The following UNC5C variants were observed in gnomAD, a reference collection of about 807,000 sequenced individuals.
UNC5C encodes the protein unc-5 netrin receptor C, also known as netrin receptor UNC5C.
A neutral mutation model predicts 99.8 loss-of-function variants in UNC5C; 47 were observed. That is an observed-to-expected ratio of 0.47 (90% CI 0.37 to 0.60). The LOEUF (loss-of-function observed/expected upper bound fraction) is 0.60. UNC5C is among the 20% of genes least tolerant of loss of function. The pLI, the probability that UNC5C is intolerant of heterozygous loss-of-function variation, is 0.00. For missense variants in UNC5C, 1,062 were observed against 1,165.9 expected, an observed-to-expected ratio of 0.91 and a Z score of 1.30; for synonymous variants, 487 against 452.2, an observed-to-expected ratio of 1.08 and a Z score of -0.98.
At chr4:95,286,068 T>C (rs776726180) in intron 3 of UNC5C, among the ~76,000 whole-genome samples, 11 of 152,174 alleles carry the variant, frequency 7.2e-5, no homozygotes, top group Non-Finnish European at 1.3e-4. Flanking sequence ...AGGTCACCTA[T>C]AAAATTCTAA....
intron 1 of UNC5C, among the ~76,000 whole-genome samples, chr4:95,354,420 C>T (rs1411378281): frequency 6.7e-6 from 1 of 148,730 alleles, no homozygotes; most frequent in Non-Finnish European, 1.5e-5. Context: ...GCAGTTTCTA[C>T]ACCTTCTGTC....
At chr4:95,206,338 T>C (rs1159990387) in intron 11 of UNC5C, among the ~76,000 whole-genome samples, 3 of 151,890 alleles carry the variant, frequency 2.0e-5, no homozygotes, top group Non-Finnish European at 1.5e-5. Context: ...ATACACAATA[T>C]ATATACATAG....
intron 1 of UNC5C, among the ~76,000 whole-genome samples, chr4:95,479,606 T>C (rs1721073780): frequency 6.6e-6 from 1 of 151,946 alleles, no homozygotes; most frequent in Non-Finnish European, 1.5e-5. Flanking sequence ...AAATGGCGAA[T>C]GAACCATCTT....
chr4:95,396,886 A>G (rs986783000), intron 1 of UNC5C, among the ~76,000 whole-genome samples: 4 of 152,224 alleles, frequency 2.6e-5, no homozygotes, highest in African/African-American at 9.6e-5. Flanking sequence ...TGCTTTATGA[A>G]GTAGGTACTG....
intron 2 of UNC5C, among the ~76,000 whole-genome samples, chr4:95,309,276 C>A (rs1422641952): frequency 6.6e-6 from 1 of 151,854 alleles, no homozygotes; most frequent in African/African-American, 2.4e-5. Flanking sequence ...TATACAAAAA[C>A]CAACTCAAAA....
intron 1 of UNC5C, among the ~76,000 whole-genome samples, chr4:95,425,215 T>C (rs568351378): frequency 1.5e-3 from 221 of 152,342 alleles, no homozygotes; most frequent in Middle Eastern, 0.01. Context: ...TTATCTCAGA[T>C]TTACAGTGAT....
At chr4:95,463,649 G>A (rs1161067600) in intron 1 of UNC5C, among the ~76,000 whole-genome samples, 1 of 152,090 alleles carries the variant, frequency 6.6e-6, no homozygotes, top group Non-Finnish European at 1.5e-5. Flanking sequence ...AAATAGTAGG[G>A]TATTTTAATT....
intron 1 of UNC5C, among the ~76,000 whole-genome samples, chr4:95,360,136 G>A (rs1212632760): frequency 2.6e-5 from 4 of 152,070 alleles, no homozygotes; most frequent in South Asian, 2.1e-4. Flanking sequence ...AGGTCTAAAC[G>A]AGAAATATAC....
At chr4:95,329,765 TG>T (rs1342777538) in intron 2 of UNC5C, among the ~76,000 whole-genome samples, 1 of 152,234 alleles carries the variant, frequency 6.6e-6, no homozygotes, top group Non-Finnish European at 1.5e-5. Flanking sequence ...ATCTGTCTCT[TG>T]GTTTTGTTTG....
chr4:95,361,580 A>G (rs1579357930), intron 1 of UNC5C, among the ~76,000 whole-genome samples: 1 of 152,156 alleles, frequency 6.6e-6, no homozygotes, highest in Non-Finnish European at 1.5e-5. Flanking sequence ...GTGACTCTCT[A>G]AAACACACAG....
intron 4 of UNC5C, among the ~76,000 whole-genome samples, chr4:95,268,234 C>T (rs776127072): frequency 6.6e-6 from 1 of 152,144 alleles, no homozygotes; most frequent in East Asian, 1.9e-4. Flanking sequence ...CCACCGCGCC[C>T]GGCCTGTGAT....
chr4:95,282,841 G>A (rs1431406931), intron 3 of UNC5C, among the ~76,000 whole-genome samples: 3 of 152,110 alleles, frequency 2.0e-5, no homozygotes, highest in Non-Finnish European at 2.9e-5. Context: ...TACACAAAAT[G>A]GAGGATGGAA....
chr4:95,332,767 C>T (rs1262567108), intron 2 of UNC5C, among the ~76,000 whole-genome samples: 2 of 150,742 alleles, frequency 1.3e-5, no homozygotes, highest in African/African-American at 2.4e-5. Flanking sequence ...AAGAAACTAC[C>T]ATCAGAGTGA....
At chr4:95,371,431 G>A (rs1055044639) in intron 1 of UNC5C, among the ~76,000 whole-genome samples, 3 of 69,490 alleles carry the variant, frequency 4.3e-5, no homozygotes, top group African/African-American at 1.6e-4. Context: ...TGTGGGGGGG[G>A]GGGAGTATCA....
At chr4:95,262,262 T>C (rs1048483638) in intron 4 of UNC5C, among the ~76,000 whole-genome samples, 9 of 152,190 alleles carry the variant, frequency 5.9e-5, no homozygotes, top group African/African-American at 2.2e-4. Flanking sequence ...GGGCCTAATA[T>C]GTCAAATGAT....
intron 2 of UNC5C, among the ~76,000 whole-genome samples, chr4:95,306,677 A>C (rs965488338): frequency 1.3e-5 from 2 of 152,162 alleles, no homozygotes; most frequent in Non-Finnish European, 2.9e-5. Flanking sequence ...GCCTGAGTTG[A>C]TTCCTCTCCA....
chr4:95,192,355 ACTCCTCCCTTGCTCATC>A, intron 12 of UNC5C, among the ~76,000 whole-genome samples: 1 of 22,238 alleles, frequency 4.5e-5, no homozygotes, highest in East Asian at 1.3e-3. Flanking sequence ...TCCCCTGCTC[ACTCCTCCCTTGCTCATC>A]CTCCTCTCCT....
intron 1 of UNC5C, among the ~76,000 whole-genome samples, chr4:95,439,698 T>C (rs533226266): frequency 6.6e-6 from 1 of 152,210 alleles, no homozygotes; most frequent in African/African-American, 2.4e-5. Flanking sequence ...AAAGGTGTTC[T>C]GAGGTCAAAT....
chr4:95,415,400 G>C, intron 1 of UNC5C, among the ~76,000 whole-genome samples: 1 of 151,870 alleles, frequency 6.6e-6, no homozygotes, highest in East Asian at 1.9e-4. Context: ...CCCTAACGTG[G>C]CTTTCTGAAA....
Sources: allele counts gnomAD v4.1 joint callset (sites outside exome capture counted in the v4.1 genomes callset), GRCh38; gene constraint gnomAD v4.1.1; transcripts MANE v1.5; gene names NCBI Gene and HGNC (gene_info 2026-07-23, HGNC 2026-07-21).